MTA3: variants seen among roughly 807,000 people sequenced by gnomAD.
MTA3 encodes metastasis associated 1 family member 3.
A neutral mutation model predicts 83.5 loss-of-function variants in MTA3; 34 were observed. The observed-to-expected ratio is 0.41, with a 90% confidence interval of 0.31 to 0.54. The LOEUF is 0.54. Ranked by LOEUF, MTA3 falls within the 20% of genes least tolerant of loss-of-function variation. The probability of loss-of-function intolerance (pLI) is 0.33; values close to 1 mark genes in which losing one functional copy is unlikely to be tolerated. For synonymous variants in MTA3, 303 were observed against 252.7 expected (o/e 1.20, Z -1.89); for missense variants, 761 against 726.4 (o/e 1.05, Z -0.55).
intron 2 of MTA3, among the ~76,000 whole-genome samples, chr2:42,501,984 AAATT>A (rs1396371568): frequency 6.6e-6 from 1 of 152,150 alleles, no homozygotes; most frequent in Non-Finnish European, 1.5e-5. Context: ...TCTATCTCAA[AAATT>A]AAAATTAAAA....
chr2:42,689,199 G>A (rs961125609), intron 9 of MTA3, among the ~76,000 whole-genome samples: 2 of 152,178 alleles, frequency 1.3e-5, no homozygotes, highest in Non-Finnish European at 2.9e-5. Context: ...TGGTCATGAG[G>A]TTTGTTTTAA....
rs534941615 is a variant in MTA3 at position 42,659,889 on chromosome 2, G to A, written c.702+27G>A. The stretch of plus-strand genomic sequence containing the variant: ...TAAGACATGGTTTGAAATTTTGTGG[G>A]TATTTATCCTTCTGTTACTTGTTTA... On this transcript the variant is annotated intron_variant, in intron 8 of 16. Transcript: ENST00000405094. 1.3e-4 allele frequency: 195 copies of A among 1,541,182 alleles called. No individual in the cohort carries two copies. In the Admixed American group the frequency reaches 1.8e-3, roughly 14 times the overall value.
chr2:42,498,272 C>T (rs1316827282), intron 2 of MTA3, among the ~76,000 whole-genome samples: 3 of 152,178 alleles, frequency 2.0e-5, no homozygotes, highest in African/African-American at 7.2e-5. Context: ...ATGGAAACTT[C>T]TCTCATTTTA....
At chr2:42,675,542 G>A (rs991584378) in intron 8 of MTA3, among the ~76,000 whole-genome samples, 1 of 151,938 alleles carries the variant, frequency 6.6e-6, no homozygotes, top group Non-Finnish European at 1.5e-5. Flanking sequence ...GTATATATTC[G>A]TGTAACCACC....
At chr2:42,748,426 G>A (rs1035663690) in intron 16 of MTA3, among the ~76,000 whole-genome samples, 1 of 152,072 alleles carries the variant, frequency 6.6e-6, no homozygotes, top group Non-Finnish European at 1.5e-5. Flanking sequence ...CATTTTGGAT[G>A]ATTTTTAGAG....
chr2:42,606,484 C>T (rs1282380570), intron 3 of MTA3, among the ~76,000 whole-genome samples: 6 of 150,658 alleles, frequency 4.0e-5, no homozygotes, highest in African/African-American at 1.2e-4. Flanking sequence ...AGATGATGTG[C>T]GGCCGGGCAG....
intron 2 of MTA3, among the ~76,000 whole-genome samples, chr2:42,553,676 A>G (rs1424550039): frequency 2.6e-5 from 4 of 151,562 alleles, no homozygotes; most frequent in South Asian, 4.2e-4. Flanking sequence ...TAGAGGTTGC[A>G]GTGAGCCGAG....
At chr2:42,700,013 A>T (rs1276158459) in intron 11 of MTA3, among the ~76,000 whole-genome samples, 1 of 152,096 alleles carries the variant, frequency 6.6e-6, no homozygotes, top group Admixed American at 6.5e-5. Context: ...CACAGAAGCT[A>T]AGAGAGGAGT....
intron 2 of MTA3, among the ~76,000 whole-genome samples, chr2:42,501,188 G>T (rs1444108322): frequency 6.6e-6 from 1 of 152,114 alleles, no homozygotes; most frequent in Non-Finnish European, 1.5e-5. Context: ...GCTTTTAGGG[G>T]TGGCAAACTA....
rs35633597 is a variant in MTA3, at chr2:42,664,466, CTTTTTTTTTTTTTTTT to C, written c.702+4617_702+4632del. Among the ~76,000 whole-genome samples the C allele has an allele frequency of 9.3e-5, 8 of 85,746 alleles. 1 individual carries two copies. Among genetic ancestry groups the C allele is most frequent in the Admixed American group, 7.5e-4 (5 of 6,698 alleles). 56.3% of individuals were successfully genotyped at this position (85,746 alleles called of 152,430 possible). A position where few individuals can be genotyped will look rare whatever the true frequency, so the allele number is the denominator to read the frequency against. On this transcript the variant is annotated intron_variant, in intron 8 of 16. Transcript: ENST00000405094. ...CCTACTACCCCCTCACCCCGCTTAC[CTTTTTTTTTTTTTTTT>C]TTTTTTTTTTTTGAGACAGTTTGCT...
At chr2:42,752,296 G>T in intron 16 of MTA3, 1 of 471,138 alleles carries the variant, frequency 2.1e-6, no homozygotes, top group Non-Finnish European at 4.4e-6. Context: ...GGCATGCTCT[G>T]AGGCTGTGAA....
intron 1 of MTA3, chr2:42,569,803 T>C (rs1008320482): frequency 1.3e-5 from 2 of 152,310 alleles, no homozygotes; most frequent in South Asian, 2.1e-4. Flanking sequence ...GGATTAAATA[T>C]GGTAAAAGGG....
chr2:42,736,815 C>T (rs1008675834), intron 16 of MTA3, among the ~76,000 whole-genome samples: 2 of 152,180 alleles, frequency 1.3e-5, no homozygotes, highest in Non-Finnish European at 2.9e-5. Context: ...TTATTCAGGG[C>T]CCAAGGGCTT....
intron 14 of MTA3, 34 bp from the exon 15 acceptor site, chr2:42,718,954 C>T: frequency 6.8e-7 from 1 of 1,467,816 alleles, no homozygotes; most frequent in Non-Finnish European, 9.3e-7. Flanking sequence ...AAATCCATTT[C>T]ATTGGTTATC....
chr2:42,626,592 G>A (rs998620363), intron 4 of MTA3, among the ~76,000 whole-genome samples: 1 of 151,552 alleles, frequency 6.6e-6, no homozygotes, highest in Non-Finnish European at 1.5e-5. Flanking sequence ...CACCGCACCT[G>A]GCCTAGGAGC....
chr2:42,646,900 T>A (rs1306595828), intron 6 of MTA3, among the ~76,000 whole-genome samples: 2 of 152,114 alleles, frequency 1.3e-5, no homozygotes, highest in Non-Finnish European at 2.9e-5. Flanking sequence ...CACACGCCTG[T>A]AATCCCAGCA....
chr2:42,726,487 T>C (rs961441148), intron 16 of MTA3, among the ~76,000 whole-genome samples: 2 of 152,118 alleles, frequency 1.3e-5, no homozygotes, highest in African/African-American at 4.8e-5. Flanking sequence ...GTATACCTCC[T>C]AATGCTATCC....
intron 14 of MTA3, chr2:42,709,307 C>T (rs1666401371): frequency 7.2e-7 from 1 of 1,394,126 alleles, no homozygotes; most frequent in South Asian, 1.6e-5. Context: ...ATTGAAACTT[C>T]TGTACTCTTT....
chr2:42,563,185 A>C (rs1677748184), intron 2 of MTA3, among the ~76,000 whole-genome samples: 1 of 152,084 alleles, frequency 6.6e-6, no homozygotes, highest in Non-Finnish European at 1.5e-5. Flanking sequence ...TCATCTATAC[A>C]AACACCTTAC....
Sources: allele counts gnomAD v4.1 joint callset (sites outside exome capture counted in the v4.1 genomes callset), GRCh38; gene constraint gnomAD v4.1.1; transcripts MANE v1.5; gene names NCBI Gene and HGNC (gene_info 2026-07-23, HGNC 2026-07-21).